CACNA2D1: variants seen among roughly 807,000 people sequenced by gnomAD.
The protein encoded by CACNA2D1 is voltage-dependent calcium channel subunit alpha-2/delta-1.
Under a neutral mutation model 171.5 loss-of-function variants are expected in CACNA2D1, and 53 were observed. The observed-to-expected ratio is 0.31, with a 90% confidence interval of 0.25 to 0.39. The LOEUF (loss-of-function observed/expected upper bound fraction) is 0.39, where lower values mean the gene tolerates loss of function less well. Among genes scored for constraint, CACNA2D1 ranks in the 10% least tolerant of loss-of-function variants. CACNA2D1 has a pLI of 1.00. For synonymous variants in CACNA2D1, 442 were observed against 443.1 expected, an observed-to-expected ratio of 1.00 and a Z score of 0.03; for missense variants, 903 against 1,299.8, an observed-to-expected ratio of 0.69 and a Z score of 4.69.
At position 81,971,777 on chromosome 7, in the gene CACNA2D1, A is replaced by T. The variant is rs770479932; in HGVS notation, c.2141T>A (p.Ile714Asn). Residue 714 changes from isoleucine (I) to asparagine (N), a missense_variant and splice_region_variant, in exon 26 of 39, where the codon ATC becomes AAC. Coordinates refer to ENST00000356860, the MANE Select transcript of CACNA2D1 (RefSeq NM_000722.4). Reference sequence around the variant, plus strand: ...TTTATTAATAAGAACAAATACTTACATATTTTTCTGCTTACTCCAGTAATT... The same window carrying T: ...TTTATTAATAAGAACAAATACTTACTTATTTTTCTGCTTACTCCAGTAATT... Reference protein sequence around the residue: ...VQNYWSKQKNIKGVKARFVVT... With the variant: ...VQNYWSKQKNNKGVKARFVVT... The T allele has an allele frequency of 6.6e-7, 1 of 1,522,790 alleles. No individual in the cohort carries two copies. The highest frequency in any genetic ancestry group is 1.1e-5 in the South Asian group (1 of 88,978). The allele number at this position is 1,522,790 out of a possible 1,614,324, so 94.3% of individuals were successfully genotyped here.
chr7:82,116,191 G>A (rs1195572553), intron 6 of CACNA2D1, among the ~76,000 whole-genome samples: 1 of 152,128 alleles, frequency 6.6e-6, no homozygotes, highest in African/African-American at 2.4e-5. Context: ...ATGGGGTGGA[G>A]GGATGGGTTA....
chr7:81,955,763 T>C (rs2130058114), intron 38 of CACNA2D1, among the ~76,000 whole-genome samples: 1 of 151,802 alleles, frequency 6.6e-6, no homozygotes, highest in Admixed American at 6.6e-5. Flanking sequence ...AAATTTATTA[T>C]TTTATGCAAA....
In CACNA2D1 at chr7:82,370,239, A is replaced by G. The variant is rs76149307; in HGVS notation, c.96-20590T>C. On this transcript the variant is annotated intron_variant, in intron 1 of 38. Coordinates refer to ENST00000356860, the MANE Select transcript of CACNA2D1 (RefSeq NM_000722.4). ...GGTAAAAGCTTTGGGAAAGAAAAGA[A>G]CAAAAACTTTTATTATGTAGCAATA... Among the ~76,000 whole-genome samples the G allele has an allele frequency of 3.9e-3, 598 of 152,180 alleles. 3 individuals carry two copies. The highest frequency in any genetic ancestry group is 7.0e-3 in the Non-Finnish European group (475 of 67,906).
intron 1 of CACNA2D1, among the ~76,000 whole-genome samples, chr7:82,359,334 T>C (rs1820822191): frequency 1.3e-5 from 2 of 152,190 alleles, no homozygotes; most frequent in African/African-American, 4.8e-5. Flanking sequence ...ATGATATTAC[T>C]TAATGTCATG....
intron 5 of CACNA2D1, among the ~76,000 whole-genome samples, chr7:82,124,520 T>A (rs1173703442): frequency 6.6e-6 from 1 of 152,158 alleles, no homozygotes; most frequent in Non-Finnish European, 1.5e-5. Context: ...ACTTTCAGCC[T>A]CTGATTGGTC....
chr7:82,074,135 T>C (rs1007788184), intron 7 of CACNA2D1, among the ~76,000 whole-genome samples: 8 of 152,210 alleles, frequency 5.3e-5, no homozygotes, highest in Non-Finnish European at 1.0e-4. Context: ...CTGAATGTCA[T>C]GGTAAGAGAG....
intron 3 of CACNA2D1, among the ~76,000 whole-genome samples, chr7:82,197,193 G>A (rs1410724461): frequency 6.6e-6 from 1 of 151,740 alleles, no homozygotes; most frequent in Non-Finnish European, 1.5e-5. Flanking sequence ...ACTTAATTAG[G>A]AACATTGTTA....
At chr7:81,963,292 A>C (rs2130282624) in intron 34 of CACNA2D1, among the ~76,000 whole-genome samples, 1 of 152,054 alleles carries the variant, frequency 6.6e-6, no homozygotes, top group East Asian at 1.9e-4. Context: ...GCAAACCTCA[A>C]CATCAAATGA....
At chr7:82,031,459 T>C (rs970897596) in intron 12 of CACNA2D1, among the ~76,000 whole-genome samples, 9 of 152,094 alleles carry the variant, frequency 5.9e-5, no homozygotes, top group African/African-American at 2.2e-4. Flanking sequence ...GCTCAGTTCA[T>C]TTATCAACTT....
At chr7:82,326,722 T>C (rs1030401920) in intron 3 of CACNA2D1, among the ~76,000 whole-genome samples, 3 of 129,598 alleles carry the variant, frequency 2.3e-5, no homozygotes, top group African/African-American at 7.9e-5. Context: ...TACCACAACT[T>C]CTTGTTTCTC....
intron 4 of CACNA2D1, among the ~76,000 whole-genome samples, chr7:82,139,912 G>A (rs1792144092): frequency 6.6e-6 from 1 of 150,400 alleles, no homozygotes; most frequent in Admixed American, 6.6e-5. Flanking sequence ...AGCCTTCCTA[G>A]CTGGAATTAC....
intron 19 of CACNA2D1, among the ~76,000 whole-genome samples, chr7:81,996,575 T>G (rs1488659279): frequency 6.6e-6 from 1 of 151,816 alleles, no homozygotes. Context: ...ACAACAGATA[T>G]TATAATTTGA....
intron 1 of CACNA2D1, among the ~76,000 whole-genome samples, chr7:82,393,372 C>A: frequency 6.6e-6 from 1 of 152,074 alleles, no homozygotes; most frequent in East Asian, 1.9e-4. Flanking sequence ...CTGGAGGCAA[C>A]AGAGGTCTGT....
chr7:82,044,909 T>G (rs1417829030), intron 10 of CACNA2D1, among the ~76,000 whole-genome samples: 1 of 152,188 alleles, frequency 6.6e-6, no homozygotes, highest in African/African-American at 2.4e-5. Flanking sequence ...CTTACATATG[T>G]GGATACATTC....
In CACNA2D1 at chr7:82,012,206, G is replaced by T; in HGVS notation, c.1310C>A (p.Ala437Glu). ...TTGGACTTGCTTAGCTTTGTCTCCT[G>T]CTAAAACCATTGGTCTTCCCAAAAC... ...LDVLGRPMVL[A>E]GDKAKQVQWT... Residue 437 changes from alanine to glutamate, a missense_variant, in exon 15 of 39, where the codon GCA (alanine) becomes GAA (glutamate). Ala to Glu is a moderately radical substitution (Grantham distance 107). Coordinates refer to ENST00000356860, the MANE Select transcript of CACNA2D1 (RefSeq NM_000722.4). 6.2e-7 allele frequency: 1 copy of T among 1,603,872 alleles called. No homozygotes were observed. Among genetic ancestry groups the T allele is most frequent in the Non-Finnish European group, 8.5e-7 (1 of 1,173,454 alleles).
At chr7:82,390,602 T>C (rs1585774093) in intron 1 of CACNA2D1, among the ~76,000 whole-genome samples, 1 of 152,044 alleles carries the variant, frequency 6.6e-6, no homozygotes. Flanking sequence ...TCTAGAAAAG[T>C]GGTTTATGGA....
At chr7:82,428,138 T>C (rs79931792) in intron 1 of CACNA2D1, among the ~76,000 whole-genome samples, 3,144 of 152,044 alleles carry the variant, frequency 0.021, 102 homozygotes, top group East Asian at 0.11. Flanking sequence ...ACAGAAAGGC[T>C]GCAACCACAC....
intron 3 of CACNA2D1, among the ~76,000 whole-genome samples, chr7:82,261,167 C>T (rs1024982028): frequency 6.6e-6 from 1 of 152,120 alleles, no homozygotes; most frequent in Non-Finnish European, 1.5e-5. Flanking sequence ...GTTGGCCAGG[C>T]TGGTCTTGAA....
chr7:82,005,016 G>A (rs1798982406), intron 18 of CACNA2D1, among the ~76,000 whole-genome samples: 1 of 152,120 alleles, frequency 6.6e-6, no homozygotes, highest in Non-Finnish European at 1.5e-5. Flanking sequence ...ATGGAAAGCA[G>A]AGTTAATTAC....
Sources: gnomAD v4.1 joint callset for allele counts (sites outside exome capture counted in the v4.1 genomes callset) on GRCh38, gnomAD v4.1.1 for gene constraint, MANE v1.5 for transcripts, NCBI Gene and HGNC (gene_info 2026-07-23, HGNC 2026-07-21) for gene names.